SGCG: variants seen among roughly 807,000 people sequenced by gnomAD.
SGCG encodes sarcoglycan gamma, also known as gamma-sarcoglycan.
SGCG carries 26 observed loss-of-function variants against 29.3 expected under a neutral mutation model. The ratio of observed to expected loss-of-function variants is 0.89; its 90% CI spans 0.65 to 1.23. SGCG has a LOEUF of 1.23. SGCG is among the 50% of genes most tolerant of loss of function. The pLI, the probability that SGCG is intolerant of heterozygous loss-of-function variation, is 0.00. For synonymous variants in SGCG, 145 were observed against 129.7 expected (o/e 1.12, Z -0.80); for missense variants, 353 against 356.0 (o/e 0.99, Z 0.07).
chr13:23,182,346 C>T lies in SGCG; in HGVS notation c.-1+1271C>T, dbSNP rs73168621. On this transcript the variant is annotated intron_variant, in intron 1 of 7. Transcript: ENST00000218867. Reference sequence around the variant, plus strand: ...GCTTGTGTCTTCTCAGCTTGAGGCACCAGGGCTGTGGTTTCCCAGTGGGAG... The same window carrying T: ...GCTTGTGTCTTCTCAGCTTGAGGCATCAGGGCTGTGGTTTCCCAGTGGGAG... 2.0e-3 allele frequency among the ~76,000 whole-genome samples: 311 copies of T among 152,258 alleles called. 1 individual carries two copies. Among genetic ancestry groups the T allele is most frequent in the Non-Finnish European group, 3.3e-3 (227 of 68,012 alleles).
At chr13:23,176,503 C>CT (rs982202131), upstream of SGCG, among the ~76,000 whole-genome samples, 9 of 151,722 alleles carry the variant, frequency 5.9e-5, no homozygotes, top group Non-Finnish European at 5.9e-5. Context: ...CCATTTTAAT[C>CT]TTTTTTTTAT....
chr13:23,183,474 GGCT>G (rs1876830318), intron 1 of SGCG, among the ~76,000 whole-genome samples: 1 of 152,046 alleles, frequency 6.6e-6, no homozygotes, highest in Admixed American at 6.6e-5. Context: ...ACGCAGCCAT[GGCT>G]GCTCAGAAGG....
intron 2 of SGCG, among the ~76,000 whole-genome samples, chr13:23,213,962 T>C (rs531398158): frequency 6.6e-6 from 1 of 152,224 alleles, no homozygotes; most frequent in Admixed American, 6.5e-5. Context: ...CTAACAAACT[T>C]GGCCATGAAA....
At chr13:23,170,195 C>G in the SGCG span, 1 of 152,172 alleles carries the variant, frequency 6.6e-6, no homozygotes, top group Non-Finnish European at 1.5e-5. Flanking sequence ...CCCACAGAAT[C>G]TAATTCTTGG....
chr13:23,317,451 GT>G (rs112018329), intron 6 of SGCG, among the ~76,000 whole-genome samples: 25,755 of 152,100 alleles, frequency 0.17, 2,790 homozygotes, highest in African/African-American at 0.3. Flanking sequence ...TACAGAATGG[GT>G]AGTTGAAGAA....
intron 4 of SGCG, among the ~76,000 whole-genome samples, chr13:23,270,305 G>A (rs553202384): frequency 3.9e-5 from 6 of 152,302 alleles, no homozygotes; most frequent in South Asian, 4.1e-4. Flanking sequence ...GATTCCCAGC[G>A]GCGGTGTAGG....
chr13:23,187,233 C>T (rs1192208193), intron 1 of SGCG, among the ~76,000 whole-genome samples: 1 of 152,176 alleles, frequency 6.6e-6, no homozygotes, highest in Non-Finnish European at 1.5e-5. Context: ...TATGGTGCCC[C>T]TTCTACAGTG....
the SGCG span, among the ~76,000 whole-genome samples, chr13:23,164,924 A>G: frequency 2.6e-5 from 4 of 152,098 alleles, no homozygotes; most frequent in Non-Finnish European, 5.9e-5. Context: ...TCTTCAGGGC[A>G]GCCTGCTCCA....
At chr13:23,274,220 G>A in intron 4 of SGCG, among the ~76,000 whole-genome samples, 1 of 151,824 alleles carries the variant, frequency 6.6e-6, no homozygotes, top group Non-Finnish European at 1.5e-5. Context: ...CATTCCTTAA[G>A]TGGCTTCTCA....
chr13:23,176,431 CAT>C (rs1876556724), upstream of SGCG, among the ~76,000 whole-genome samples: 1 of 152,098 alleles, frequency 6.6e-6, no homozygotes, highest in African/African-American at 2.4e-5. Context: ...CTGTTGGGTG[CAT>C]ATATATTTAT....
chr13:23,163,643 G>A, the SGCG span, among the ~76,000 whole-genome samples: 9 of 152,068 alleles, frequency 5.9e-5, no homozygotes, highest in Admixed American at 5.2e-4. Context: ...AACTGGACAA[G>A]TAACATGAAT....
chr13:23,186,408 G>A (rs990139563), intron 1 of SGCG, among the ~76,000 whole-genome samples: 2 of 152,204 alleles, frequency 1.3e-5, no homozygotes, highest in Non-Finnish European at 2.9e-5. Context: ...GATTGCAGCA[G>A]CTTGAAGATG....
upstream of SGCG, among the ~76,000 whole-genome samples, chr13:23,177,263 GTTAGAA>G (rs1207107698): frequency 1.3e-5 from 2 of 152,100 alleles, no homozygotes; most frequent in Non-Finnish European, 2.9e-5. Context: ...TGGGTAAAAA[GTTAGAA>G]TTAGAAAGGT....
At chr13:23,195,996 A>C (rs1196933930) in intron 1 of SGCG, among the ~76,000 whole-genome samples, 1 of 152,036 alleles carries the variant, frequency 6.6e-6, no homozygotes, top group Non-Finnish European at 1.5e-5. Flanking sequence ...GGATTATAGG[A>C]GGAAATTATT....
intron 1 of SGCG, among the ~76,000 whole-genome samples, chr13:23,183,669 T>C (rs1199044764): frequency 6.6e-6 from 1 of 150,726 alleles, no homozygotes; most frequent in Non-Finnish European, 1.5e-5. Flanking sequence ...TATTCTCCCT[T>C]TATTTTTATT....
chr13:23,213,696 T>C (rs1285005402), intron 2 of SGCG, among the ~76,000 whole-genome samples: 2 of 152,216 alleles, frequency 1.3e-5, no homozygotes, highest in African/African-American at 4.8e-5. Context: ...AAACTTACTG[T>C]GATAGTTATT....
the SGCG span, among the ~76,000 whole-genome samples, chr13:23,166,695 C>T: frequency 0.047 from 7,167 of 152,216 alleles, 240 homozygotes; most frequent in East Asian, 0.094. Flanking sequence ...GGGAGGTCTG[C>T]TCTGCACTTT....
At chr13:23,313,326 A>G (rs35469322) in intron 6 of SGCG, among the ~76,000 whole-genome samples, 29,561 of 151,890 alleles carry the variant, frequency 0.19, 3,343 homozygotes, top group Non-Finnish European at 0.25. Context: ...CACCATGCCC[A>G]GCTCATTTTT....
chr13:23,281,023 C>T (rs550046603), intron 5 of SGCG, among the ~76,000 whole-genome samples: 17 of 152,128 alleles, frequency 1.1e-4, no homozygotes, highest in Admixed American at 3.9e-4. Flanking sequence ...CAGAGCCATC[C>T]GGAGGGTTTG....
Sources: allele counts gnomAD v4.1 joint callset (sites outside exome capture counted in the v4.1 genomes callset), GRCh38; gene constraint gnomAD v4.1.1; transcripts MANE v1.5; gene names NCBI Gene and HGNC (gene_info 2026-07-23, HGNC 2026-07-21).